Variants in ASTN2 observed in about 807,000 individuals in gnomAD.
ASTN2 encodes the protein astrotactin 2.
In ASTN2, 54 loss-of-function variants were observed where a neutral mutation model predicts 139.8. That is an observed-to-expected ratio of 0.39 (90% confidence interval 0.31 to 0.48). The LOEUF is 0.48. Ranked by LOEUF, ASTN2 falls within the 20% of genes least tolerant of loss-of-function variation. The pLI is 0.95. For synonymous variants in ASTN2, 756 were observed against 719.5 expected (o/e 1.05, Z -0.81); for missense variants, 1,565 against 1,725.1 (o/e 0.91, Z 1.64).
intron 11 of ASTN2, among the ~76,000 whole-genome samples, chr9:116,841,359 A>G (rs551224238): frequency 6.6e-6 from 1 of 152,278 alleles, no homozygotes; most frequent in Non-Finnish European, 1.5e-5. Context: ...CATGAGAGGG[A>G]GACCGTGGAA....
Position 117,201,300 on chromosome 9 carries a change from T to G in ASTN2, c.1015+13058A>C, listed in dbSNP as rs190965667. 1.1e-3 allele frequency among the ~76,000 whole-genome samples: 168 copies of G among 152,242 alleles called. 2 individuals carry two copies. Among genetic ancestry groups the G allele is most frequent in the African/African-American group, 3.9e-3 (162 of 41,538 alleles). On this transcript the variant is annotated intron_variant, in intron 3 of 22. Coordinates refer to ENST00000313400, the MANE Select transcript of ASTN2 (RefSeq NM_001365068.1). The stretch of plus-strand genomic sequence containing the variant: ...AGTCTAGCTAGCAGTCTATCTATTT[T>G]GTTAATTTTTTCAAAAAACCAGCCT...
intron 21 of ASTN2, among the ~76,000 whole-genome samples, chr9:116,441,483 A>G (rs977494513): frequency 9.9e-5 from 15 of 151,960 alleles, no homozygotes; most frequent in Non-Finnish European, 1.9e-4. Context: ...CCATTATGTT[A>G]CACTATTTTC....
At chr9:116,890,468 T>G (rs370072626) in intron 10 of ASTN2, among the ~76,000 whole-genome samples, 1 of 152,214 alleles carries the variant, frequency 6.6e-6, no homozygotes, top group Non-Finnish European at 1.5e-5. Flanking sequence ...ATTGTAGATA[T>G]CTCAGGTCCA....
chr9:116,583,473 T>C (rs1854029132), intron 19 of ASTN2: 1 of 152,128 alleles, frequency 6.6e-6, no homozygotes, highest in African/African-American at 2.4e-5. Context: ...ACCCAGCACT[T>C]TGCCCAGTGC....
At position 116,889,720 on chromosome 9, in the gene ASTN2, TACACACACACACACACACACACACACAC is replaced by T. The variant is rs9299242; in HGVS notation, c.1890-26015_1890-25988del. Among the ~76,000 whole-genome samples, 435 of 136,680 alleles carry T rather than the reference TACACACACACACACACACACACACACAC, an allele frequency of 3.2e-3. 1 individual carries two copies. The highest frequency in any genetic ancestry group is 0.011 in the African/African-American group (420 of 36,700). The allele number at this position is 136,680 out of a possible 152,430, so 89.7% of individuals were successfully genotyped here. On this transcript the variant is annotated intron_variant, in intron 10 of 22. Coordinates refer to ENST00000313400, the MANE Select transcript of ASTN2 (RefSeq NM_001365068.1). ...GGGCAACATAGCAAGACCTTGTCTCTACACACACACACACACACACACACACACACACACACACACACACACACACAAA... is the reference window on the plus strand; with the variant it reads ...GGGCAACATAGCAAGACCTTGTCTCTACACACACACACACACACACACAAA...
At chr9:117,247,197 T>G (rs2133084269) in intron 2 of ASTN2, among the ~76,000 whole-genome samples, 1 of 152,226 alleles carries the variant, frequency 6.6e-6, no homozygotes, top group South Asian at 2.1e-4. Context: ...GAATATTAAT[T>G]GAAAGTGTGA....
chr9:117,013,053 A>T (rs1196251639), intron 6 of ASTN2, among the ~76,000 whole-genome samples: 1 of 151,042 alleles, frequency 6.6e-6, no homozygotes, highest in Non-Finnish European at 1.5e-5. Flanking sequence ...TTATTTGCCC[A>T]TCAGATTGTG....
At chr9:116,678,418 G>T (rs1408123218) in intron 16 of ASTN2, among the ~76,000 whole-genome samples, 2 of 152,182 alleles carry the variant, frequency 1.3e-5, no homozygotes, top group Non-Finnish European at 2.9e-5. Flanking sequence ...AGTTAACATT[G>T]TAACATGTTA....
intron 19 of ASTN2, among the ~76,000 whole-genome samples, chr9:116,576,204 T>C (rs10759850): frequency 0.65 from 98,665 of 151,852 alleles, 32,164 homozygotes; most frequent in South Asian, 0.74. Context: ...GAAGGAGGAC[T>C]GATCAGTCCC....
chr9:116,592,918 G>A (rs1165523701), intron 19 of ASTN2, among the ~76,000 whole-genome samples: 1 of 152,178 alleles, frequency 6.6e-6, no homozygotes, highest in Non-Finnish European at 1.5e-5. Flanking sequence ...GTGAGATGTG[G>A]ATGAAGTCTA....
At chr9:116,845,598 A>G (rs1365892064) in intron 11 of ASTN2, among the ~76,000 whole-genome samples, 1 of 152,194 alleles carries the variant, frequency 6.6e-6, no homozygotes, top group Non-Finnish European at 1.5e-5. Flanking sequence ...TCTAAAAATG[A>G]TATACAAACA....
At chr9:117,097,337 C>T (rs995527008) in intron 4 of ASTN2, among the ~76,000 whole-genome samples, 1 of 152,146 alleles carries the variant, frequency 6.6e-6, no homozygotes, top group African/African-American at 2.4e-5. Flanking sequence ...GCCATTAATT[C>T]CAAAGAGAGA....
At chr9:117,300,204 G>A (rs964205239) in intron 1 of ASTN2, among the ~76,000 whole-genome samples, 5 of 152,178 alleles carry the variant, frequency 3.3e-5, no homozygotes, top group Non-Finnish European at 5.9e-5. Context: ...TGGAGGAAAA[G>A]ATCAATTTGA....
chr9:116,579,019 C>T (rs1316069374), intron 19 of ASTN2: 1 of 151,760 alleles, frequency 6.6e-6, no homozygotes, highest in African/African-American at 2.4e-5. Flanking sequence ...AGAAGTGAGG[C>T]ACCTGTGATT....
intron 5 of ASTN2, among the ~76,000 whole-genome samples, chr9:117,085,117 A>T (rs1828527430): frequency 6.6e-6 from 1 of 151,980 alleles, no homozygotes; most frequent in East Asian, 1.9e-4. Context: ...CTGAAAAGGA[A>T]TCCTCTTCCT....
chr9:116,586,839 C>CAT (rs1554717138), intron 19 of ASTN2, among the ~76,000 whole-genome samples: 2,045 of 149,404 alleles, frequency 0.014, 56 homozygotes, highest in African/African-American at 0.047. Context: ...CATACACACA[C>CAT]ACACACACAC....
intron 19 of ASTN2, among the ~76,000 whole-genome samples, chr9:116,576,006 C>T (rs1467449777): frequency 2.6e-5 from 4 of 152,130 alleles, no homozygotes; most frequent in South Asian, 2.1e-4. Flanking sequence ...ACCTGGGAAG[C>T]ATTTTACAAA....
intron 10 of ASTN2, among the ~76,000 whole-genome samples, chr9:116,944,939 G>C (rs190338572): frequency 1.3e-5 from 2 of 152,216 alleles, no homozygotes; most frequent in East Asian, 3.9e-4. Flanking sequence ...ATGAATTGTT[G>C]CTTATATCAG....
intron 19 of ASTN2, among the ~76,000 whole-genome samples, chr9:116,609,332 A>C (rs998944892): frequency 2.3e-4 from 34 of 144,832 alleles, no homozygotes; most frequent in African/African-American, 8.5e-4. Context: ...CTCTCTCTAT[A>C]TATATATACA....
Sources: gnomAD v4.1 joint callset for allele counts (sites outside exome capture counted in the v4.1 genomes callset) on GRCh38, gnomAD v4.1.1 for gene constraint, MANE v1.5 for transcripts, NCBI Gene and HGNC (gene_info 2026-07-23, HGNC 2026-07-21) for gene names.